The following CLTCL1 variants were observed in gnomAD, a reference collection of about 807,000 sequenced individuals.
The protein encoded by CLTCL1 is clathrin heavy chain 2.
In CLTCL1, 159 loss-of-function variants were observed where a neutral mutation model predicts 190.0. The observed-to-expected ratio is 0.84, with a 90% CI of 0.74 to 0.95. The LOEUF (loss-of-function observed/expected upper bound fraction) is 0.95, where lower values mean the gene tolerates loss of function less well. Among genes scored for constraint, CLTCL1 ranks in the 40% least tolerant of loss-of-function variants. CLTCL1 has a pLI of 0.00. For synonymous variants in CLTCL1, 752 were observed against 769.6 expected (o/e 0.98, Z 0.38); for missense variants, 1,878 against 2,033.4 (o/e 0.92, Z 1.47).
chr22:19,188,187 A>C lies in CLTCL1; in HGVS notation c.4324-96T>G, dbSNP rs2084376921. On this transcript the variant is annotated intron_variant, in intron 27 of 32. Coordinates refer to ENST00000427926, the MANE Select transcript of CLTCL1 (RefSeq NM_007098.4). ...TGGGCACGTGCGTGCCATCCACTTG[A>C]ATGGTCCAGCTCTGGAGCCAAGGGC... is the stretch of plus-strand genomic sequence containing the variant. 6 of 1,095,110 alleles carry C rather than the reference A, an allele frequency of 5.5e-6. No individual in the cohort carries two copies. The Admixed American group carries it at 1.0e-4, about 19-fold the overall frequency. The allele number at this position is 1,095,110 out of a possible 1,614,324, so 67.8% of individuals were successfully genotyped here. A position where few individuals can be genotyped will look rare whatever the true frequency, so the allele number is the denominator to read the frequency against.
intron 22 of CLTCL1, among the ~76,000 whole-genome samples, chr22:19,207,092 C>T (rs145156750): frequency 2.1e-3 from 309 of 146,340 alleles, no homozygotes; most frequent in African/African-American, 7.5e-3. Context: ...TCTCGGCTCA[C>T]TGCAACCTCC....
At chr22:19,227,388 TCCTCCCACTTCAG>T (rs2145823745) in intron 11 of CLTCL1, among the ~76,000 whole-genome samples, 1 of 146,096 alleles carries the variant, frequency 6.8e-6, no homozygotes, top group Admixed American at 7.1e-5. Flanking sequence ...GCTCAAGCAA[TCCTCCCACTTCAG>T]CCTCCCAAGC....
rs35877753 is a variant in CLTCL1 at position 19,270,726 on chromosome 22, C to CAA, written c.250+4895_250+4896dup. Among the ~76,000 whole-genome samples the CAA allele has an allele frequency of 7.3e-3, 573 of 78,656 alleles. 10 individuals are homozygous for CAA. The highest frequency in any genetic ancestry group is 9.8e-3 in the Admixed American group (64 of 6,534). The allele number at this position is 78,656 out of a possible 152,430, so 51.6% of individuals were successfully genotyped here. A position where few individuals can be genotyped will look rare whatever the true frequency, so the allele number is the denominator to read the frequency against. The stretch of plus-strand genomic sequence containing the variant: ...TGGGCAACAGAGCGAGACTCCAACT[C>CAA]AAAAAAAAAAAAAAAAAAAGAATAA... On this transcript the variant is annotated intron_variant, in intron 2 of 32. Coordinates refer to ENST00000427926, the MANE Select transcript of CLTCL1 (RefSeq NM_007098.4).
intron 13 of CLTCL1, among the ~76,000 whole-genome samples, chr22:19,224,746 T>C (rs1309284713): frequency 6.6e-6 from 1 of 152,174 alleles, no homozygotes; most frequent in Non-Finnish European, 1.5e-5. Flanking sequence ...TCGTCTGCCA[T>C]GGTCTTTCCT....
chr22:19,204,045 T>G (rs1468626443), intron 22 of CLTCL1, among the ~76,000 whole-genome samples: 2 of 152,228 alleles, frequency 1.3e-5, no homozygotes, highest in African/African-American at 4.8e-5. Flanking sequence ...CCTTGCGACA[T>G]CACTGCACCA....
Position 19,198,514 on chromosome 22 carries a change from C to A in CLTCL1, c.3873+1220G>T, listed in dbSNP as rs1472836111. Among the ~76,000 whole-genome samples, 3 of 152,162 alleles carry A rather than the reference C, an allele frequency of 2.0e-5. No homozygotes were observed. The highest frequency in any genetic ancestry group is 4.4e-5 in the Non-Finnish European group (3 of 68,020). On this transcript the variant is annotated intron_variant, in intron 24 of 32. Coordinates refer to ENST00000427926, the MANE Select transcript of CLTCL1 (RefSeq NM_007098.4). The surrounding 1 kb of genome is among the most constrained non-coding windows in gnomAD (Gnocchi z 4.1). ...TCTCTGCCCCATCTCTGGCTCCAGC[C>A]CCTTCCTTGAATACACAGCACACTT...
intron 1 of CLTCL1, among the ~76,000 whole-genome samples, chr22:19,277,391 T>G (rs1555984027): frequency 6.6e-6 from 1 of 152,156 alleles, no homozygotes; most frequent in Non-Finnish European, 1.5e-5. Context: ...CCAGGTATAA[T>G]AAAGCCTGTG....
At chr22:19,192,551 C>T (rs1230618009) in intron 26 of CLTCL1, among the ~76,000 whole-genome samples, 2 of 152,192 alleles carry the variant, frequency 1.3e-5, no homozygotes, top group African/African-American at 2.4e-5. Context: ...ATGCTGGGAT[C>T]CCAGGGTGAT....
At chr22:19,199,991 A>ATCCCT (rs1405090549) in intron 23 of CLTCL1, 150 bp from the exon 24 acceptor site, 26 of 587,490 alleles carry the variant, frequency 4.4e-5, no homozygotes, top group Non-Finnish European at 7.5e-5. Flanking sequence ...TCTATGATGA[A>ATCCCT]TTGTACAAGA....
chr22:19,243,110 A>G (rs1232691502), intron 3 of CLTCL1, among the ~76,000 whole-genome samples, 174 bp from the exon 4 acceptor site: 1 of 152,210 alleles, frequency 6.6e-6, no homozygotes, highest in South Asian at 2.1e-4. Context: ...TTTATGTGGA[A>G]AGATGGCAAA....
chr22:19,287,420 T>C (rs192628551), intron 1 of CLTCL1, among the ~76,000 whole-genome samples: 1 of 152,228 alleles, frequency 6.6e-6, no homozygotes, highest in African/African-American at 2.4e-5. Flanking sequence ...AGAATGTGTT[T>C]TGGCAAGGAC....
chr22:19,284,373 T>C (rs2087828326), intron 1 of CLTCL1, among the ~76,000 whole-genome samples: 1 of 152,146 alleles, frequency 6.6e-6, no homozygotes, highest in South Asian at 2.1e-4. Flanking sequence ...TAAAACATAC[T>C]TTGAGGGCCT....
chr22:19,271,549 A>G (rs533928648), intron 2 of CLTCL1, among the ~76,000 whole-genome samples: 39 of 152,170 alleles, frequency 2.6e-4, no homozygotes, highest in Non-Finnish European at 3.5e-4. Flanking sequence ...TGCCATGATT[A>G]TAAGTTTCCT....
At chr22:19,180,030 G>C in intron 32 of CLTCL1, 61 bp from the exon 33 acceptor site, 1 of 621,466 alleles carries the variant, frequency 1.6e-6, no homozygotes, top group East Asian at 2.8e-5. Flanking sequence ...TCCTCTCCTG[G>C]CTGCCCCTGA....
intron 26 of CLTCL1, among the ~76,000 whole-genome samples, chr22:19,195,730 C>T (rs1328740167): frequency 4.6e-5 from 7 of 152,162 alleles, no homozygotes; most frequent in African/African-American, 1.7e-4. Flanking sequence ...GGCACCCAAA[C>T]CCGACACCAC....
intron 1 of CLTCL1, among the ~76,000 whole-genome samples, chr22:19,287,387 A>G (rs1429375248): frequency 4.6e-5 from 7 of 152,204 alleles, no homozygotes; most frequent in Admixed American, 3.3e-4. Flanking sequence ...AGTAGGAGTC[A>G]GTGAGTAAAG....
chr22:19,242,959 G>T, intron 3 of CLTCL1, 23 bp from the exon 4 acceptor site: 2 of 1,590,138 alleles, frequency 1.3e-6, no homozygotes, highest in Non-Finnish European at 1.7e-6. Flanking sequence ...ATTATGCAAT[G>T]AAAGGGAGAG....
chr22:19,180,013 A>G (rs1366465218), intron 32 of CLTCL1, 44 bp from the exon 33 acceptor site: 6 of 607,698 alleles, frequency 9.9e-6, no homozygotes, highest in Non-Finnish European at 1.8e-5. Context: ...CTTCCTGCCC[A>G]TGGGGGTCCT....
In CLTCL1 at chr22:19,179,717, G is replaced by A. The variant is rs541938476; in HGVS notation, c.*273C>T. The stretch of plus-strand genomic sequence containing the variant: ...TCAGCCTCTACCCTGGCCTCCCCAG[G>A]CTCTGGGATGGCTCAGAGGTTGCCG... On this transcript the variant is annotated 3_prime_UTR_variant, in exon 33 of 33. Coordinates refer to ENST00000427926, the MANE Select transcript of CLTCL1 (RefSeq NM_007098.4). 12 of 169,874 alleles carry A rather than the reference G, an allele frequency of 7.1e-5. No individual in the cohort carries two copies. In the East Asian group the frequency reaches 1.6e-3, roughly 23 times the overall value. 10.5% of individuals were successfully genotyped at this position (169,874 alleles called of 1,614,324 possible).
Sources: allele counts gnomAD v4.1 joint callset (sites outside exome capture counted in the v4.1 genomes callset), GRCh38; gene constraint gnomAD v4.1.1; non-coding constraint Gnocchi (gnomAD v3.1); transcripts MANE v1.5; gene names NCBI Gene and HGNC (gene_info 2026-07-23, HGNC 2026-07-21).